Variants in CIMAP1D observed in about 807,000 individuals in gnomAD.
CIMAP1D encodes the protein protein CIMAP1D.
At chr19:463,593 G>A in the CIMAP1D span, 1 of 562,570 alleles carries the variant, frequency 1.8e-6, no homozygotes, top group Non-Finnish European at 3.0e-6. Context: ...ACCTGGCCTG[G>A]CCTGGCCTGG....
chr19:488,317 T>C, the CIMAP1D span, among the ~76,000 whole-genome samples: 1 of 150,466 alleles, frequency 6.6e-6, no homozygotes, highest in Non-Finnish European at 1.5e-5. Context: ...GGTCAGGAGA[T>C]CGAGACCATC....
chr19:471,481 C>T, the CIMAP1D span, among the ~76,000 whole-genome samples: 12 of 152,156 alleles, frequency 7.9e-5, no homozygotes, highest in East Asian at 2.1e-3. Flanking sequence ...CTCACTCTGT[C>T]GCCCAGGCTG....
the CIMAP1D span, among the ~76,000 whole-genome samples, chr19:469,714 G>GAAAAAC: frequency 6.6e-6 from 1 of 151,854 alleles, no homozygotes; most frequent in East Asian, 1.9e-4. Flanking sequence ...AAAAGAAAAA[G>GAAAAAC]AAATCCCTGG....
chr19:467,548 T>A, the CIMAP1D span: 1 of 832,144 alleles, frequency 1.2e-6, no homozygotes, highest in East Asian at 2.4e-5. Context: ...CTCTGCATTC[T>A]AAGAACTCCA....
the CIMAP1D span, chr19:463,972 C>A: frequency 6.2e-7 from 1 of 1,611,252 alleles, no homozygotes; most frequent in African/African-American, 1.3e-5. Context: ...TTCACGGTGA[C>A]CTGCTCTGGG....
At chr19:489,741 G>T in the CIMAP1D span, 1 of 327,238 alleles carries the variant, frequency 3.1e-6, no homozygotes, top group Admixed American at 4.9e-5. Context: ...GCGGCCGGGG[G>T]AGAACCACCC....
the CIMAP1D span, among the ~76,000 whole-genome samples, chr19:471,106 T>C: frequency 6.6e-6 from 1 of 152,240 alleles, no homozygotes; most frequent in Non-Finnish European, 1.5e-5. Context: ...ACTGAGCACT[T>C]ACTATTTTTT....
chr19:467,912 T>A, the CIMAP1D span: 1 of 595,042 alleles, frequency 1.7e-6, no homozygotes, highest in Non-Finnish European at 3.0e-6. Context: ...CCAGGGGCCC[T>A]GAGTTGTGGC....
the CIMAP1D span, chr19:489,960 C>A: frequency 2.5e-6 from 1 of 398,272 alleles, no homozygotes. Context: ...CTGAGAGAGG[C>A]CAGAGCGGCG....
At chr19:463,836 GGCCTGGCCTAGCAGCAGCGGCCGGGCA>G in the CIMAP1D span, 1 of 1,604,476 alleles carries the variant, frequency 6.2e-7, no homozygotes, top group Non-Finnish European at 8.5e-7. Context: ...GTGGGAAACA[GGCCTGGCCTAGCAGCAGCGGCCGGGCA>G]GCCTGTGCCC....
At chr19:489,806 T>G in the CIMAP1D span, 2 of 375,160 alleles carry the variant, frequency 5.3e-6, no homozygotes, top group Non-Finnish European at 9.4e-6. Context: ...TGTCCAGCAC[T>G]CAGCGCGGGT....
the CIMAP1D span, among the ~76,000 whole-genome samples, chr19:488,779 G>A: frequency 6.6e-6 from 1 of 152,206 alleles, no homozygotes; most frequent in Non-Finnish European, 1.5e-5. Context: ...CTCCGCCCGG[G>A]GACACCAGGC....
chr19:464,140 CG>C, the CIMAP1D span: 1,392 of 792,472 alleles, frequency 1.8e-3, no homozygotes, highest in Admixed American at 2.1e-3. Flanking sequence ...GGGGGGCGGG[CG>C]GGGGGGGTGC....
At chr19:465,837 T>C in the CIMAP1D span, among the ~76,000 whole-genome samples, 28 of 93,224 alleles carry the variant, frequency 3.0e-4, no homozygotes, top group Non-Finnish European at 4.4e-4. Flanking sequence ...GGATGGTGGA[T>C]GGATGTGTGG....
At chr19:469,303 G>A in the CIMAP1D span, among the ~76,000 whole-genome samples, 2 of 148,882 alleles carry the variant, frequency 1.3e-5, no homozygotes, top group East Asian at 2.0e-4. Context: ...CTGCAGCCTC[G>A]ACCTCCTGGG....
At chr19:479,424 G>GA in the CIMAP1D span, among the ~76,000 whole-genome samples, 2 of 97,212 alleles carry the variant, frequency 2.1e-5, no homozygotes, top group East Asian at 3.4e-4. Flanking sequence ...GGGGGGGGGG[G>GA]ATGGAGTTTC....
At chr19:476,119 C>G in the CIMAP1D span, among the ~76,000 whole-genome samples, 3,597 of 151,466 alleles carry the variant, frequency 0.024, 49 homozygotes, top group Middle Eastern at 0.044. Context: ...CTGCCTCAGC[C>G]TCTCGAGTAG....
chr19:475,683 T>C, the CIMAP1D span, among the ~76,000 whole-genome samples: 1 of 152,124 alleles, frequency 6.6e-6, no homozygotes, highest in Admixed American at 6.5e-5. Context: ...TGCGTGAGGC[T>C]CCAAGAAGAG....
chr19:466,943 T>A, the CIMAP1D span, among the ~76,000 whole-genome samples: 696 of 22,528 alleles, frequency 0.031, 6 homozygotes, highest in African/African-American at 0.078. Context: ...GGAGGGTGGA[T>A]GGGCGGGTGG....
Sources: allele counts gnomAD v4.1 joint callset (sites outside exome capture counted in the v4.1 genomes callset), GRCh38; gene constraint gnomAD v4.1.1; transcripts MANE v1.5; gene names NCBI Gene and HGNC (gene_info 2026-07-23, HGNC 2026-07-21).